KCNJ3: variants seen among roughly 807,000 people sequenced by gnomAD.
KCNJ3 encodes the protein potassium inwardly rectifying channel subfamily J member 3.
KCNJ3 carries 4 observed loss-of-function variants against 39.2 expected under a neutral mutation model. That is an observed-to-expected ratio of 0.10 (90% CI 0.05 to 0.23). The LOEUF is 0.23. Among genes scored for constraint, KCNJ3 ranks in the 10% least tolerant of loss-of-function variants. KCNJ3 has a pLI of 1.00. For synonymous variants in KCNJ3, 230 were observed against 237.4 expected (o/e 0.97, Z 0.29); for missense variants, 276 against 634.9 (o/e 0.43, Z 6.08).
At chr2:154,757,925 CAA>C (rs1685970682) in intron 2 of KCNJ3, among the ~76,000 whole-genome samples, 1 of 152,230 alleles carries the variant, frequency 6.6e-6, no homozygotes, top group Admixed American at 6.5e-5. Context: ...CCTCCTAATA[CAA>C]TCAAATTGAG....
In KCNJ3 at chr2:154,802,244, G is replaced by A. The variant is rs148608789; in HGVS notation, c.920-52483G>A. ...CTTATGCGCTACCTGTAGCTTGCTT[G>A]TCACCCAGTTGTTTACAGTGACATA... On this transcript the variant is annotated intron_variant, in intron 2 of 2. Coordinates refer to ENST00000295101, the MANE Select transcript of KCNJ3 (RefSeq NM_002239.4). Among the ~76,000 whole-genome samples the A allele has an allele frequency of 2.7e-5, 4 of 150,652 alleles. No homozygotes were observed. The East Asian group carries it at 7.9e-4, about 30-fold the overall frequency.
intron 2 of KCNJ3, among the ~76,000 whole-genome samples, chr2:154,747,804 G>T (rs1004122077): frequency 2.6e-5 from 4 of 152,072 alleles, no homozygotes; most frequent in African/African-American, 7.2e-5. Context: ...TGTTTGATAG[G>T]TGATGTATGG....
At chr2:154,798,188 GCACACACA>G (rs57495585) in intron 2 of KCNJ3, among the ~76,000 whole-genome samples, 18 of 114,816 alleles carry the variant, frequency 1.6e-4, no homozygotes, top group East Asian at 4.9e-4. Context: ...TTCGAACACC[GCACACACA>G]CACACACACA....
chr2:154,838,792 C>T (rs1287241326), intron 2 of KCNJ3, among the ~76,000 whole-genome samples: 1 of 152,082 alleles, frequency 6.6e-6, no homozygotes, highest in Non-Finnish European at 1.5e-5. Flanking sequence ...TTGTACTTTG[C>T]ATGTAACATT....
intron 2 of KCNJ3, among the ~76,000 whole-genome samples, chr2:154,773,505 C>T (rs1477643703): frequency 6.6e-6 from 1 of 152,034 alleles, no homozygotes; most frequent in Non-Finnish European, 1.5e-5. Flanking sequence ...TAACTTTGTT[C>T]TCGGAATAAT....
chr2:154,763,964 T>C (rs1239393408), intron 2 of KCNJ3, among the ~76,000 whole-genome samples: 5 of 152,144 alleles, frequency 3.3e-5, no homozygotes, highest in Non-Finnish European at 5.9e-5. Context: ...TTTTAAAGAG[T>C]CTATGCTGCA....
chr2:154,843,902 C>A (rs2105132475), intron 2 of KCNJ3, among the ~76,000 whole-genome samples: 1 of 152,264 alleles, frequency 6.6e-6, no homozygotes, highest in South Asian at 2.1e-4. Flanking sequence ...TCCTTTAGCT[C>A]AGAGAAGTTT....
chr2:154,782,270 T>A (rs1299662023), intron 2 of KCNJ3, among the ~76,000 whole-genome samples: 1 of 152,148 alleles, frequency 6.6e-6, no homozygotes, highest in East Asian at 1.9e-4. Flanking sequence ...TGTCCATGCA[T>A]CAGGATTTTT....
intron 2 of KCNJ3, among the ~76,000 whole-genome samples, chr2:154,829,695 T>C (rs1194654654): frequency 6.6e-6 from 1 of 152,170 alleles, no homozygotes; most frequent in Non-Finnish European, 1.5e-5. Context: ...TTTGAGGAAT[T>C]GCCATGCTGA....
chr2:154,834,495 G>C (rs866850216), intron 2 of KCNJ3, among the ~76,000 whole-genome samples: 69 of 152,272 alleles, frequency 4.5e-4, no homozygotes, highest in African/African-American at 1.4e-3. Flanking sequence ...ACTTTGGGCT[G>C]CCGAGGCGGG....
At chr2:154,802,433 A>T (rs909363845) in intron 2 of KCNJ3, among the ~76,000 whole-genome samples, 1 of 152,060 alleles carries the variant, frequency 6.6e-6, no homozygotes, top group Non-Finnish European at 1.5e-5. Context: ...TTCATTTCAC[A>T]TTGCCAGTTT....
At chr2:154,736,851 C>CTAT (rs1685556397) in intron 2 of KCNJ3, among the ~76,000 whole-genome samples, 1 of 137,816 alleles carries the variant, frequency 7.3e-6, no homozygotes, top group African/African-American at 2.6e-5. Context: ...CTAAAACTGC[C>CTAT]CCGGCTTACT....
intron 2 of KCNJ3, among the ~76,000 whole-genome samples, chr2:154,768,567 C>G (rs1410372016): frequency 6.6e-6 from 1 of 152,164 alleles, no homozygotes; most frequent in Non-Finnish European, 1.5e-5. Flanking sequence ...GGTACCAGTA[C>G]CATGCTGTTT....
Position 154,854,629 on chromosome 2 carries a change from AC to A in KCNJ3, c.920-96del, listed in dbSNP as rs1260269050. The stretch of plus-strand genomic sequence containing the variant: ...TCGGGCTTCAGATAAACAGTCCAAA[AC>A]CTAGATAAGAAAGTGAAATGAATTA... On this transcript the variant is annotated intron_variant, in intron 2 of 2. Transcript: ENST00000295101. 9 of 832,376 alleles carry A rather than the reference AC, an allele frequency of 1.1e-5. No homozygotes were observed. The East Asian group carries it at 2.0e-4, about 19-fold the overall frequency. 51.6% of individuals were successfully genotyped at this position (832,376 alleles called of 1,614,324 possible).
chr2:154,767,575 C>T (rs1020435188), intron 2 of KCNJ3, among the ~76,000 whole-genome samples: 6 of 152,146 alleles, frequency 3.9e-5, no homozygotes. Flanking sequence ...TTTTCTTAAT[C>T]CAGTCTATCA....
intron 2 of KCNJ3, among the ~76,000 whole-genome samples, chr2:154,836,234 A>C (rs1379322262): frequency 2.1e-5 from 2 of 96,490 alleles, no homozygotes; most frequent in African/African-American, 6.4e-5. Flanking sequence ...AAAAACAAAA[A>C]AAAAAACAAA....
chr2:154,751,466 G>C (rs1394025259), intron 2 of KCNJ3, among the ~76,000 whole-genome samples: 2 of 151,776 alleles, frequency 1.3e-5, no homozygotes, highest in Non-Finnish European at 2.9e-5. Context: ...ATCTAGTTTA[G>C]TTGCTTTATA....
chr2:154,755,136 C>G (rs1227313524), intron 2 of KCNJ3, among the ~76,000 whole-genome samples: 2 of 151,930 alleles, frequency 1.3e-5, no homozygotes, highest in African/African-American at 4.8e-5. Context: ...TTTTTCTTCC[C>G]ATCAGCATTG....
intron 2 of KCNJ3, among the ~76,000 whole-genome samples, chr2:154,725,929 C>T (rs1685348412): frequency 6.6e-6 from 1 of 152,096 alleles, no homozygotes; most frequent in Non-Finnish European, 1.5e-5. Context: ...GAAACTTGAT[C>T]CTCATCTCTC....
Sources: allele counts gnomAD v4.1 joint callset (sites outside exome capture counted in the v4.1 genomes callset), GRCh38; gene constraint gnomAD v4.1.1; transcripts MANE v1.5; gene names NCBI Gene and HGNC (gene_info 2026-07-23, HGNC 2026-07-21).